The following PTPRB variants were observed in gnomAD, a reference collection of about 807,000 sequenced individuals.
PTPRB encodes the protein receptor-type tyrosine-protein phosphatase beta.
Under a neutral mutation model 238.1 loss-of-function variants are expected in PTPRB, and 97 were observed. The ratio of observed to expected loss-of-function variants is 0.41; its 90% confidence interval spans 0.35 to 0.48. PTPRB has a LOEUF of 0.48. PTPRB is among the 20% of genes least tolerant of loss of function. The probability of loss-of-function intolerance (pLI) is 0.30; values close to 1 mark genes in which losing one functional copy is unlikely to be tolerated. For synonymous variants in PTPRB, 970 were observed against 995.4 expected (o/e 0.97, Z 0.48); for missense variants, 2,292 against 2,681.9 (o/e 0.85, Z 3.21).
intron 21 of PTPRB, among the ~76,000 whole-genome samples, chr12:70,552,504 TG>T (rs1877047489): frequency 7.8e-6 from 1 of 128,352 alleles, no homozygotes; most frequent in Admixed American, 7.8e-5. Flanking sequence ...AAAAAAATAA[TG>T]AAAGTTGTAG....
rs630608 is a variant in PTPRB at position 70,520,038 on chromosome 12, A to G, written c.*1451T>C. The G allele has an allele frequency of 0.39, 121,278 of 309,170 alleles. 28,146 individuals are homozygous for G. Among genetic ancestry groups the G allele is most frequent in the African/African-American group, 0.76 (34,201 of 45,078 alleles). The allele number at this position is 309,170 out of a possible 1,614,324, so 19.2% of individuals were successfully genotyped here. A position where few individuals can be genotyped will look rare whatever the true frequency, so the allele number is the denominator to read the frequency against. On this transcript the variant is annotated 3_prime_UTR_variant, in exon 34 of 34. Coordinates refer to ENST00000334414, the MANE Select transcript of PTPRB (RefSeq NM_001109754.4). Reference sequence around the variant, plus strand: ...AAAAATATATACTTTGAAAAGAAATATACTCTTTATGCAAAGGAAGCTATG... The same window carrying G: ...AAAAATATATACTTTGAAAAGAAATGTACTCTTTATGCAAAGGAAGCTATG...
At position 70,532,035 on chromosome 12, in the gene PTPRB, C is replaced by T; in HGVS notation, c.6504G>A (p.Glu2168=). 1 of 1,613,822 alleles carries T rather than the reference C, an allele frequency of 6.2e-7. No homozygotes were observed. The change falls in exon 32 of 34, where the codon GAG becomes GAA. Residue 2168 remains glutamate (E), a splice_region_variant and synonymous_variant. Coordinates refer to ENST00000334414, the MANE Select transcript of PTPRB (RefSeq NM_001109754.4). ...GTAACTTTCAGTCTATAACTCTTAC[C>T]TCAGTCTGGACCATGTGAACCCTGT... The part of the protein sequence containing the change: ...RLHRVHMVQT[E]CQYVYLHQCV...
chr12:70,585,622 C>T (rs1881825361), intron 9 of PTPRB, among the ~76,000 whole-genome samples: 1 of 151,950 alleles, frequency 6.6e-6, no homozygotes, highest in Non-Finnish European at 1.5e-5. Flanking sequence ...CTTCACCTTC[C>T]ACCATGATTT....
intron 29 of PTPRB, among the ~76,000 whole-genome samples, 165 bp from the exon 30 acceptor site, chr12:70,535,120 G>C (rs561254309): frequency 1.3e-5 from 2 of 152,094 alleles, no homozygotes; most frequent in East Asian, 3.9e-4. Flanking sequence ...CAGTGCTGAA[G>C]CTGAGGTGCT....
At chr12:70,537,946 T>G in intron 28 of PTPRB, 1 of 474,756 alleles carries the variant, frequency 2.1e-6, no homozygotes, top group East Asian at 3.3e-5. Context: ...GGGCTCATAA[T>G]TTCATTTGAC....
At position 70,592,429 on chromosome 12, in the gene PTPRB, T is replaced by G; in HGVS notation, c.1633A>C (p.Lys545Gln). The part of the protein sequence containing the change: ...VDSYNITLSH[K>Q]GTIKESRVLA... ...ACTCTGGATTCCTTGATGGTCCCTT[T>G]GTGAGACAGGGTGATATTGTAAGAA... Residue 545 changes from lysine to glutamine, a missense_variant, in exon 7 of 34, where the codon AAA becomes CAA. Around this residue, in one of 4 missense-constraint regions of PTPRB, gnomAD observed 1,205 missense variants for 1,287.8 expected, o/e 0.94. Coordinates refer to ENST00000334414, the MANE Select transcript of PTPRB (RefSeq NM_001109754.4). 2 of 1,613,964 alleles carry G rather than the reference T, an allele frequency of 1.2e-6. No individual in the cohort carries two copies. Among genetic ancestry groups the G allele is most frequent in the Non-Finnish European group, 1.7e-6 (2 of 1,179,850 alleles).
chr12:70,614,556 A>G (rs773313408), intron 3 of PTPRB, among the ~76,000 whole-genome samples: 4 of 152,150 alleles, frequency 2.6e-5, no homozygotes, highest in African/African-American at 4.8e-5. Context: ...CTCAAAAACA[A>G]AAACAAACAA....
At chr12:70,553,794 G>T (rs911198350) in intron 20 of PTPRB, among the ~76,000 whole-genome samples, 1 of 152,218 alleles carries the variant, frequency 6.6e-6, no homozygotes, top group African/African-American at 2.4e-5. Flanking sequence ...GTGAGTCTTA[G>T]AAATATTTTG....
Position 70,534,625 on chromosome 12 carries a change from G to A in PTPRB, c.6231C>T (p.Leu2077=), listed in dbSNP as rs1174273783. Residue 2077 remains leucine (L), a synonymous_variant, in exon 31 of 34, where the codon CTC becomes CTT. Transcript: ENST00000334414. ...CGEEQLDAHR[L]IRHFHYTVWP... ...ACACCGTATAGTGAAAGTGGCGGAT[G>A]AGTCTGTGTGCATCAAGCTGTTCCT... is the stretch of plus-strand genomic sequence containing the variant. 1 of 1,612,624 alleles carries A rather than the reference G, an allele frequency of 6.2e-7. No individual in the cohort carries two copies. The highest frequency in any genetic ancestry group is 1.1e-5 in the South Asian group (1 of 90,650).
chr12:70,535,718 T>G (rs964898007), intron 29 of PTPRB, among the ~76,000 whole-genome samples: 3 of 152,114 alleles, frequency 2.0e-5, no homozygotes, highest in African/African-American at 7.2e-5. Context: ...TGGCAGGGTC[T>G]CTCCTCCAGC....
At position 70,609,089 on chromosome 12, in the gene PTPRB, C is replaced by G. The variant is rs369511777; in HGVS notation, c.959G>C (p.Arg320Thr). The G allele has an allele frequency of 3.1e-6, 5 of 1,613,904 alleles. No individual in the cohort carries two copies. In the African/African-American group the frequency reaches 5.3e-5, roughly 17 times the overall value. The change falls in exon 4 of 34, where the codon AGA becomes ACA. Residue 320 changes from arginine (R) to threonine (T), a missense_variant. Physicochemically the swap from Arg to Thr is moderately conservative, Grantham distance 71 (BLOSUM62 -1). Transcript: ENST00000334414. ...TTTACCTGTTTGCAAGACCACTGTT[C>G]TCTCTTCATCCAGAGAAATAATCCT... ...NFRIISLDEE[R>T]TVVLQTDPLP...
chr12:70,631,112 C>A (rs1885432310), intron 2 of PTPRB, among the ~76,000 whole-genome samples: 1 of 152,046 alleles, frequency 6.6e-6, no homozygotes, highest in Non-Finnish European at 1.5e-5. Context: ...AAAGAGCCCA[C>A]ATAGCCAAGA....
At chr12:70,535,191 C>T (rs1222374486) in intron 29 of PTPRB, among the ~76,000 whole-genome samples, 1 of 148,336 alleles carries the variant, frequency 6.7e-6, no homozygotes, top group South Asian at 2.2e-4. Flanking sequence ...TTTGGGTTCA[C>T]TCATTTTTTA....
At chr12:70,613,049 T>G (rs1884529759) in intron 3 of PTPRB, among the ~76,000 whole-genome samples, 1 of 152,134 alleles carries the variant, frequency 6.6e-6, no homozygotes. Context: ...ATTATGAACA[T>G]AGATGTTGAA....
In PTPRB at chr12:70,520,440, T is replaced by C. The variant is rs186534359; in HGVS notation, c.*1049A>G. 85 of 233,880 alleles carry C rather than the reference T, an allele frequency of 3.6e-4. No individual in the cohort carries two copies. Among genetic ancestry groups the C allele is most frequent in the African/African-American group, 1.9e-3 (80 of 42,902 alleles). 14.5% of individuals were successfully genotyped at this position (233,880 alleles called of 1,614,324 possible). A position where few individuals can be genotyped will look rare whatever the true frequency, so the allele number is the denominator to read the frequency against. On this transcript the variant is annotated 3_prime_UTR_variant, in exon 34 of 34. Coordinates refer to ENST00000334414, the MANE Select transcript of PTPRB (RefSeq NM_001109754.4). ...TTGTTTTTGCTATTGTTTTTAAATT[T>C]ACTATATATGATGTTTGTAGTCATT...
chr12:70,537,061 G>A (rs571153416), intron 28 of PTPRB, among the ~76,000 whole-genome samples: 1 of 152,226 alleles, frequency 6.6e-6, no homozygotes, highest in East Asian at 1.9e-4. Context: ...AAGGCGGGCG[G>A]ATCATGAGGT....
At chr12:70,579,168 C>T (rs973277939) in intron 10 of PTPRB, among the ~76,000 whole-genome samples, 3 of 152,220 alleles carry the variant, frequency 2.0e-5, no homozygotes, top group Admixed American at 6.5e-5. Context: ...CTCCACTCCT[C>T]TCCTCAGCTT....
At chr12:70,577,842 G>T (rs1439317018) in intron 10 of PTPRB, among the ~76,000 whole-genome samples, 1 of 152,128 alleles carries the variant, frequency 6.6e-6, no homozygotes, top group Non-Finnish European at 1.5e-5. Flanking sequence ...ATATAAAGTT[G>T]AACTTTTTAG....
At position 70,560,684 on chromosome 12, in the gene PTPRB, C is replaced by T. The variant is rs17108344; in HGVS notation, c.4419G>A (p.Ala1473=). ...HSGDLSNKVT[A]ESRTAPSPPS... Reference sequence around the variant, plus strand: ...TGGGCTTCTCACCTGTTCTGCTCTCCGCTGTGACTTTATTGCTGAGATCTC... The same window carrying T: ...TGGGCTTCTCACCTGTTCTGCTCTCTGCTGTGACTTTATTGCTGAGATCTC... The change falls in exon 17 of 34, where the codon GCG becomes GCA. Residue 1473 remains alanine (A), a synonymous_variant. Coordinates refer to ENST00000334414, the MANE Select transcript of PTPRB (RefSeq NM_001109754.4). This position sits in a 1 kb window ranked among gnomAD's most constrained non-coding sequence, Gnocchi z 4.2. The T allele has an allele frequency of 9.4e-3, 15,192 of 1,612,790 alleles. 524 individuals are homozygous for T. In the African/African-American group the frequency reaches 0.11, roughly 11 times the overall value.
Sources: gnomAD v4.1 joint callset for allele counts (sites outside exome capture counted in the v4.1 genomes callset) on GRCh38, gnomAD v4.1.1 for gene constraint, gnomAD v4.1.1 regional missense constraint, Gnocchi (gnomAD v3.1) non-coding constraint, MANE v1.5 for transcripts, NCBI Gene and HGNC (gene_info 2026-07-23, HGNC 2026-07-21) for gene names.